The following SEMA4B variants were observed in gnomAD, a reference collection of about 807,000 sequenced individuals.
SEMA4B encodes semaphorin-4B.
Under a neutral mutation model 88.1 loss-of-function variants are expected in SEMA4B, and 55 were observed. The ratio of observed to expected loss-of-function variants is 0.62; its 90% confidence interval spans 0.50 to 0.78. SEMA4B has a LOEUF of 0.78. SEMA4B is among the 30% of genes least tolerant of loss of function. SEMA4B has a pLI of 0.00. For synonymous variants in SEMA4B, 525 were observed against 473.6 expected (o/e 1.11, Z -1.41); for missense variants, 1,062 against 1,111.9 (o/e 0.96, Z 0.64).
Position 90,225,082 on chromosome 15 carries a change from ATGC to A in SEMA4B, c.1319_1321del (p.Leu440del), listed in dbSNP as rs2151625975. Reference sequence around the variant, plus strand: ...GATGGACGGGCAGGTCCGAAGCCGCATGCTGCTGCTGCAGCCCCAGGCTCGCTA... The same window carrying A: ...GATGGACGGGCAGGTCCGAAGCCGCATGCTGCTGCAGCCCCAGGCTCGCTA... On this transcript the variant is annotated inframe_deletion, in exon 10 of 14. Transcript: ENST00000411539. 1.2e-6 allele frequency: 2 copies of A among 1,613,810 alleles called. No individual in the cohort carries two copies. The highest frequency in any genetic ancestry group is 1.7e-4 in the Middle Eastern group (1 of 6,060).
At chr15:90,192,586 CTTTTT>C (rs67328606) in intron 1 of SEMA4B, among the ~76,000 whole-genome samples, 1 of 88,664 alleles carries the variant, frequency 1.1e-5, no homozygotes. Context: ...TCCCTTGTAG[CTTTTT>C]TTTTTTTTTT....
intron 1 of SEMA4B, among the ~76,000 whole-genome samples, chr15:90,202,467 T>G (rs1378243421): frequency 1.3e-5 from 2 of 152,356 alleles, no homozygotes; most frequent in African/African-American, 4.8e-5. Flanking sequence ...TCTGCTTCTG[T>G]GGCCACCTCC....
rs11857954 is a variant in SEMA4B at position 90,186,526 on chromosome 15, G to A, written c.-122+1445G>A. Among the ~76,000 whole-genome samples the A allele has an allele frequency of 7.7e-3, 1,179 of 152,244 alleles. 11 individuals are homozygous for A. The highest frequency in any genetic ancestry group is 0.027 in the African/African-American group (1,109 of 41,554). ...CGCAGCGACTTGGGAGGCTGAGGCA[G>A]GAGAATCGCTTGAATCTGGGAGGCG... is the stretch of plus-strand genomic sequence containing the variant. On this transcript the variant is annotated intron_variant, in intron 1 of 14. Coordinates refer to the SEMA4B transcript ENST00000332496.
At chr15:90,203,228 G>T (rs1279475131) in intron 1 of SEMA4B, among the ~76,000 whole-genome samples, 2 of 152,188 alleles carry the variant, frequency 1.3e-5, no homozygotes, top group Non-Finnish European at 2.9e-5. Context: ...GACAGGGTTG[G>T]GGTGTTAGTT....
intron 12 of SEMA4B, chr15:90,227,210 G>A: frequency 4.1e-6 from 1 of 245,568 alleles, no homozygotes; most frequent in Non-Finnish European, 8.0e-6. Context: ...ACCATGCCTG[G>A]CTAATTTTTC....
chr15:90,228,607 C>G lies in SEMA4B; in HGVS notation c.2478C>G (p.Val826=), dbSNP rs1962333002. 6.2e-7 allele frequency: 1 copy of G among 1,613,398 alleles called. No individual in the cohort carries two copies. The highest frequency in any genetic ancestry group is 8.5e-7 in the Non-Finnish European group (1 of 1,179,894). ...CCCCAGTGTGCCCCCGGCCCCGGGT[C>G]CGCCTTGGCTCGGAGATCCGTGACT... The part of the protein sequence containing the change: ...EVSPVCPRPR[V]RLGSEIRDSV... The change falls in exon 14 of 14, where the codon GTC becomes GTG. Residue 826 remains valine, a synonymous_variant. Coordinates refer to ENST00000411539, the MANE Select transcript of SEMA4B (RefSeq NM_198925.4).
chr15:90,197,309 G>A (rs1960541449), upstream of SEMA4B, among the ~76,000 whole-genome samples: 1 of 152,088 alleles, frequency 6.6e-6, no homozygotes, highest in Non-Finnish European at 1.5e-5. Context: ...AGGATTGCTT[G>A]AGCCTGAGAG....
intron 1 of SEMA4B, among the ~76,000 whole-genome samples, chr15:90,204,375 G>C (rs993339784): frequency 2.0e-5 from 3 of 152,196 alleles, no homozygotes; most frequent in African/African-American, 7.2e-5. Context: ...GGAGCGTCCA[G>C]CTTGCCCTGC....
At chr15:90,186,357 C>T (rs1410254885) in intron 1 of SEMA4B, among the ~76,000 whole-genome samples, 1 of 152,064 alleles carries the variant, frequency 6.6e-6, no homozygotes, top group Non-Finnish European at 1.5e-5. Context: ...TGGTGGCTCA[C>T]GCCTGTAATC....
chr15:90,211,050 C>T (rs1567051605), intron 1 of SEMA4B, among the ~76,000 whole-genome samples: 1 of 152,174 alleles, frequency 6.6e-6, no homozygotes, highest in Non-Finnish European at 1.5e-5. Flanking sequence ...CTGATGACCC[C>T]GATTTCCTTG....
chr15:90,221,411 G>A lies in SEMA4B; in HGVS notation c.640G>A (p.Asp214Asn). 6.3e-7 allele frequency: 1 copy of A among 1,579,316 alleles called. No homozygotes were observed. Reference sequence around the variant, plus strand: ...AACAGTCAGCAGCTTCCAAGGGAATGACCCGGCCATCTCGCGGAGCCAAAG... The same window carrying A: ...AACAGTCAGCAGCTTCCAAGGGAATAACCCGGCCATCTCGCGGAGCCAAAG... The part of the protein sequence containing the change: ...TGTVSSFQGN[D>N]PAISRSQSLR... Residue 214 changes from aspartate (D) to asparagine (N), a missense_variant, in exon 6 of 14, where the codon GAC (aspartate) becomes AAC (asparagine). Asp to Asn is a conservative substitution (Grantham distance 23). Coordinates refer to ENST00000411539, the MANE Select transcript of SEMA4B (RefSeq NM_198925.4).
At chr15:90,189,459 G>C (rs4932299) in intron 1 of SEMA4B, among the ~76,000 whole-genome samples, 67,287 of 151,940 alleles carry the variant, frequency 0.44, 17,108 homozygotes, top group East Asian at 0.7. Flanking sequence ...AATAATAACT[G>C]ATATCTCACC....
In SEMA4B at chr15:90,207,477, T is replaced by C. The variant is rs552865799; in HGVS notation, c.157+5742T>C. On this transcript the variant is annotated intron_variant, in intron 1 of 13. Coordinates refer to ENST00000411539, the MANE Select transcript of SEMA4B (RefSeq NM_198925.4). ...AGCGGCCATTGCGGTGCACTCCCTG[T>C]GTGCCAGGCACTGCTGTTGGATGTG... is the stretch of plus-strand genomic sequence containing the variant. Among the ~76,000 whole-genome samples the C allele has an allele frequency of 7.0e-4, 106 of 152,352 alleles. 3 individuals are homozygous for C. The South Asian group carries it at 0.022, about 31-fold the overall frequency.
Position 90,224,007 on chromosome 15 carries a change from C to A in SEMA4B, c.1194+19C>A. ...TGGAGCGGTGGGTACTGGCTCCCTG[C>A]ACCCAGAAGGGGTGCCGGGAAGATG... is the stretch of plus-strand genomic sequence containing the variant. On this transcript the variant is annotated intron_variant, in intron 9 of 13. Coordinates refer to ENST00000411539, the MANE Select transcript of SEMA4B (RefSeq NM_198925.4). 1 of 1,599,010 alleles carries A rather than the reference C, an allele frequency of 6.3e-7. No homozygotes were observed. Among genetic ancestry groups the A allele is most frequent in the East Asian group, 2.2e-5 (1 of 44,518 alleles).
intron 1 of SEMA4B, among the ~76,000 whole-genome samples, chr15:90,216,544 A>AT (rs1430681898): frequency 6.6e-6 from 1 of 152,186 alleles, no homozygotes; most frequent in East Asian, 1.9e-4. Context: ...TGAGGTCAAA[A>AT]TTGAAAACAC....
rs145451048 is a variant in SEMA4B at position 90,195,458 on chromosome 15, C to G, written c.-121-6000C>G. On this transcript the variant is annotated intron_variant, in intron 1 of 14. Coordinates refer to the SEMA4B transcript ENST00000332496. ...AGCCCCACCCCTGTCTGTTTTGCCTCTCACTAGATTGCCCTTTCTGAAGAG... is the reference window on the plus strand; with the variant it reads ...AGCCCCACCCCTGTCTGTTTTGCCTGTCACTAGATTGCCCTTTCTGAAGAG... 5.2e-3 allele frequency among the ~76,000 whole-genome samples: 790 copies of G among 152,228 alleles called. 12 individuals are homozygous for G. The highest frequency in any genetic ancestry group is 0.018 in the African/African-American group (759 of 41,530).
rs756087002 is a variant in SEMA4B at position 90,221,595 on chromosome 15, C to G, written c.710-19C>G. The G allele has an allele frequency of 8.1e-6, 13 of 1,613,622 alleles. No individual in the cohort carries two copies. The African/African-American group carries it at 1.6e-4, about 20-fold the overall frequency. On this transcript the variant is annotated intron_variant, in intron 6 of 13. Coordinates refer to ENST00000411539, the MANE Select transcript of SEMA4B (RefSeq NM_198925.4). ...AGGGTTCCTGGGCTGACTCTGAGCT[C>G]CTGACCTGGTCCCTACAGACCCAGC...
intron 7 of SEMA4B, among the ~76,000 whole-genome samples, chr15:90,222,509 G>T (rs1961912819): frequency 6.6e-6 from 1 of 151,844 alleles, no homozygotes; most frequent in South Asian, 2.1e-4. Flanking sequence ...GGTGGAGGTT[G>T]CAGTGAGCCG....
chr15:90,223,505 C>G, intron 7 of SEMA4B, 54 bp from the exon 8 acceptor site: 1 of 1,479,050 alleles, frequency 6.8e-7, no homozygotes, highest in African/African-American at 1.4e-5. Flanking sequence ...TGCCGTGCAT[C>G]CCCGTCATGG....
Sources: gnomAD v4.1 joint callset for allele counts (sites outside exome capture counted in the v4.1 genomes callset) on GRCh38, gnomAD v4.1.1 for gene constraint, MANE v1.5 for transcripts, NCBI Gene and HGNC (gene_info 2026-07-23, HGNC 2026-07-21) for gene names.